Variants in KRIT1 observed in about 807,000 individuals in gnomAD.
KRIT1 encodes the protein krev interaction trapped protein 1.
A neutral mutation model predicts 95.8 loss-of-function variants in KRIT1; 45 were observed. The ratio of observed to expected loss-of-function variants is 0.47; its 90% CI spans 0.37 to 0.60. The LOEUF (loss-of-function observed/expected upper bound fraction) is 0.60. Among genes scored for constraint, KRIT1 ranks in the 20% least tolerant of loss-of-function variants. The pLI is 0.00. For missense variants in KRIT1, 788 were observed against 877.5 expected (o/e 0.90, Z 1.29); for synonymous variants, 282 against 278.8 (o/e 1.01, Z -0.11).
intron 14 of KRIT1, among the ~76,000 whole-genome samples, chr7:92,219,233 C>T (rs1191956247): frequency 2.6e-5 from 4 of 152,130 alleles, no homozygotes; most frequent in Non-Finnish European, 5.9e-5. Context: ...AACTCCTGTC[C>T]TCAAGTGATC....
intron 5 of KRIT1, among the ~76,000 whole-genome samples, chr7:92,239,282 C>T (rs1326260809): frequency 6.6e-6 from 1 of 152,140 alleles, no homozygotes; most frequent in Non-Finnish European, 1.5e-5. Context: ...GAGATCTCTT[C>T]CATATCCCTC....
In KRIT1 at chr7:92,200,705, TGTGGTG is replaced by T. The variant is rs773260420; in HGVS notation, c.*25_*30del. On this transcript the variant is annotated 3_prime_UTR_variant, in exon 19 of 19. Coordinates refer to ENST00000394505, the MANE Select transcript of KRIT1 (RefSeq NM_194454.3). ...GGAAAAAAAACTCTGCATTACAAAA[TGTGGTG>T]GCTTGAGTAACAGTTACTTCTCTTT... 7.1e-7 allele frequency: 1 copy of T among 1,404,254 alleles called. No homozygotes were observed. Among genetic ancestry groups the T allele is most frequent in the Non-Finnish European group, 1.0e-6 (1 of 988,392 alleles). 87.0% of individuals were successfully genotyped at this position (1,404,254 alleles called of 1,614,324 possible).
chr7:92,224,420 T>C (rs539786759), intron 12 of KRIT1, among the ~76,000 whole-genome samples: 108 of 152,206 alleles, frequency 7.1e-4, no homozygotes, highest in Non-Finnish European at 1.2e-3. Context: ...CACGATTGTC[T>C]GTGAATAGCC....
chr7:92,218,439 C>T, intron 14 of KRIT1, among the ~76,000 whole-genome samples: 1 of 150,334 alleles, frequency 6.7e-6, no homozygotes, highest in Middle Eastern at 3.4e-3. Flanking sequence ...GGTGTGCAGT[C>T]GTGCAATACT....
At position 92,235,500 on chromosome 7, in the gene KRIT1, C is replaced by G; in HGVS notation, c.632G>C (p.Ser211Thr). 1 of 1,613,654 alleles carries G rather than the reference C, an allele frequency of 6.2e-7. No individual in the cohort carries two copies. Among genetic ancestry groups the G allele is most frequent in the Non-Finnish European group, 8.5e-7 (1 of 1,179,634 alleles). Residue 211 changes from serine (S) to threonine (T), a missense_variant, in exon 8 of 19, where the codon AGT becomes ACT. Around this residue, in one of 3 missense-constraint regions of KRIT1, gnomAD observed 289 missense variants for 277.5 expected, o/e 1.04. Coordinates refer to ENST00000394505, the MANE Select transcript of KRIT1 (RefSeq NM_194454.3). The stretch of plus-strand genomic sequence containing the variant: ...CATTTTACTCTTTATTTCTAGTGCA[C>G]TATAGCCCATATGTAGTGAGTTTTC... Reference protein sequence around the residue: ...QTENSLHMGYSALEIKSKMLA... With the variant: ...QTENSLHMGYTALEIKSKMLA...
chr7:92,235,201 T>C (rs974219553), intron 8 of KRIT1, among the ~76,000 whole-genome samples: 1 of 152,146 alleles, frequency 6.6e-6, no homozygotes, highest in Non-Finnish European at 1.5e-5. Context: ...GATTTCACCA[T>C]GTTGGCCAGG....
intron 10 of KRIT1, among the ~76,000 whole-genome samples, chr7:92,228,998 A>G (rs1796751456): frequency 6.6e-6 from 1 of 152,118 alleles, no homozygotes; most frequent in South Asian, 2.1e-4. Flanking sequence ...ATGGACCTTT[A>G]GATTGATTCT....
At chr7:92,218,897 T>C (rs1294749357) in intron 14 of KRIT1, among the ~76,000 whole-genome samples, 2 of 152,254 alleles carry the variant, frequency 1.3e-5, no homozygotes, top group African/African-American at 4.8e-5. Context: ...TTGTCATATC[T>C]GACTCCACTG....
chr7:92,212,666 T>C (rs1265195226), intron 17 of KRIT1, among the ~76,000 whole-genome samples: 1 of 152,214 alleles, frequency 6.6e-6, no homozygotes, highest in Non-Finnish European at 1.5e-5. Flanking sequence ...TTCCAGTTTC[T>C]AGAACTGTGA....
intron 1 of KRIT1, 44 bp from the exon 2 acceptor site, chr7:92,245,215 G>A (rs1200897409): frequency 1.3e-5 from 2 of 151,890 alleles, no homozygotes; most frequent in Non-Finnish European, 2.9e-5. Flanking sequence ...GTGAGTTACA[G>A]GGGGAGAAGT....
At chr7:92,241,278 A>T (rs1364942111) in intron 4 of KRIT1, 126 bp from the exon 5 acceptor site, 2 of 741,430 alleles carry the variant, frequency 2.7e-6, no homozygotes, top group Admixed American at 2.2e-5. Flanking sequence ...GCTTTAAAAC[A>T]ATAGCAATGC....
At chr7:92,212,411 T>C (rs1793051151) in intron 17 of KRIT1, among the ~76,000 whole-genome samples, 1 of 152,152 alleles carries the variant, frequency 6.6e-6, no homozygotes, top group Non-Finnish European at 1.5e-5. Context: ...CCTCCCAAAA[T>C]TGGTATGTTG....
At chr7:92,225,896 C>T (rs574629624) in intron 11 of KRIT1, 69 bp from the exon 12 acceptor site, 1 of 822,418 alleles carries the variant, frequency 1.2e-6, no homozygotes, top group African/African-American at 1.7e-5. Flanking sequence ...AAAATGTCAT[C>T]CAATTAATCA....
rs1268601748 is a variant in KRIT1, at chr7:92,235,236, G to A, written c.729+167C>T. Among the ~76,000 whole-genome samples, 4 of 152,266 alleles carry A rather than the reference G, an allele frequency of 2.6e-5. No individual in the cohort carries two copies. In the South Asian group the frequency reaches 6.2e-4, roughly 24 times the overall value. On this transcript the variant is annotated intron_variant, in intron 8 of 18. Transcript: ENST00000394505. ...GCTGGTCTCGAACTCCTGACCTCAGGCAATCTGCCCTCCTTGGCCTCCCAA... is the reference window on the plus strand; with the variant it reads ...GCTGGTCTCGAACTCCTGACCTCAGACAATCTGCCCTCCTTGGCCTCCCAA...
At chr7:92,243,161 T>C (rs1274253197) in intron 3 of KRIT1, among the ~76,000 whole-genome samples, 1 of 152,162 alleles carries the variant, frequency 6.6e-6, no homozygotes, top group Non-Finnish European at 1.5e-5. Flanking sequence ...ACTGTGTGTG[T>C]GTGTGCGTGT....
At chr7:92,230,094 C>T (rs930724350) in intron 10 of KRIT1, among the ~76,000 whole-genome samples, 1 of 152,112 alleles carries the variant, frequency 6.6e-6, no homozygotes, top group Non-Finnish European at 1.5e-5. Context: ...ATAATACAAA[C>T]ATACATTTTG....
At chr7:92,208,991 C>A (rs1386938961) in intron 17 of KRIT1, among the ~76,000 whole-genome samples, 1 of 152,086 alleles carries the variant, frequency 6.6e-6, no homozygotes, top group African/African-American at 2.4e-5. Context: ...AAAGATAACA[C>A]ACCATGATCA....
intron 14 of KRIT1, among the ~76,000 whole-genome samples, chr7:92,219,398 T>C (rs1034066822): frequency 6.6e-6 from 1 of 152,224 alleles, no homozygotes; most frequent in African/African-American, 2.4e-5. Context: ...GAAGAGACTA[T>C]TCTTTCTCCA....
rs193035191 is a variant in KRIT1 at position 92,213,888 on chromosome 7, T to C, written c.1818+4A>G. ...TGTCTTTTCATTTCTATTAAACAGC[T>C]TACCTTGTATTCATGAAGTATGCGA... is the stretch of plus-strand genomic sequence containing the variant. On this transcript the variant is annotated splice_donor_region_variant and intron_variant, in intron 16 of 18. Transcript: ENST00000394505. 57 of 1,545,952 alleles carry C rather than the reference T, an allele frequency of 3.7e-5. No individual in the cohort carries two copies. The African/African-American group carries it at 7.2e-4, about 20-fold the overall frequency.
Sources: gnomAD v4.1 joint callset for allele counts (sites outside exome capture counted in the v4.1 genomes callset) on GRCh38, gnomAD v4.1.1 for gene constraint, gnomAD v4.1.1 regional missense constraint, MANE v1.5 for transcripts, NCBI Gene and HGNC (gene_info 2026-07-23, HGNC 2026-07-21) for gene names.